Variants in TOGARAM2 observed in about 807,000 individuals in gnomAD.
TOGARAM2 encodes the protein TOG array regulator of axonemal microtubules protein 2.
Under a neutral mutation model 93.3 loss-of-function variants are expected in TOGARAM2, and 85 were observed. The observed-to-expected ratio is 0.91, with a 90% CI of 0.76 to 1.09. TOGARAM2 has a LOEUF of 1.09. Ranked by LOEUF, TOGARAM2 falls within the 50% of genes least tolerant of loss-of-function variation. The pLI, the probability that TOGARAM2 is intolerant of heterozygous loss-of-function variation, is 0.00. For synonymous variants in TOGARAM2, 593 were observed against 552.8 expected (o/e 1.07, Z -1.02); for missense variants, 1,277 against 1,334.5 (o/e 0.96, Z 0.67).
At chr2:29,039,205 G>C (rs957865710) in intron 18 of TOGARAM2, among the ~76,000 whole-genome samples, 1 of 152,158 alleles carries the variant, frequency 6.6e-6, no homozygotes, top group Non-Finnish European at 1.5e-5. Context: ...CTTGGAAGTG[G>C]CTTGGATCGG....
chr2:28,974,952 A>G (rs910720661), intron 1 of TOGARAM2, among the ~76,000 whole-genome samples: 2 of 150,702 alleles, frequency 1.3e-5, no homozygotes, highest in East Asian at 3.9e-4. Flanking sequence ...TTTTCAGTCT[A>G]TATTTTTTCT....
intron 1 of TOGARAM2, among the ~76,000 whole-genome samples, chr2:28,974,924 C>A (rs891159425): frequency 2.6e-5 from 4 of 152,030 alleles, no homozygotes; most frequent in Non-Finnish European, 1.5e-5. Flanking sequence ...AGCCACTGTG[C>A]CCGGCCTTGT....
At chr2:28,960,801 A>G (rs1671794475) in intron 1 of TOGARAM2, among the ~76,000 whole-genome samples, 1 of 152,232 alleles carries the variant, frequency 6.6e-6, no homozygotes, top group South Asian at 2.1e-4. Context: ...GCCAGTGAGC[A>G]CCTAACATGT....
chr2:28,994,535 C>G (rs1427112185), intron 1 of TOGARAM2, among the ~76,000 whole-genome samples, 190 bp from the exon 2 acceptor site: 1 of 152,188 alleles, frequency 6.6e-6, no homozygotes, highest in Non-Finnish European at 1.5e-5. Flanking sequence ...GAACTCTTCC[C>G]AAAACCACAC....
At chr2:28,999,886 T>G (rs987371149) in intron 4 of TOGARAM2, among the ~76,000 whole-genome samples, 2 of 152,188 alleles carry the variant, frequency 1.3e-5, no homozygotes, top group African/African-American at 4.8e-5. Context: ...CTTCGGTCTC[T>G]GCTGTCCAGG....
At chr2:29,002,886 T>G in intron 5 of TOGARAM2, 139 bp downstream of exon 5, 1 of 775,508 alleles carries the variant, frequency 1.3e-6, no homozygotes, top group Non-Finnish European at 2.1e-6. Flanking sequence ...GCAGTGAGGA[T>G]AGGGACAGCA....
rs535716240 is a variant in TOGARAM2 at position 29,032,391 on chromosome 2, G to A, written c.2013-543G>A. On this transcript the variant is annotated intron_variant, in intron 14 of 19. Transcript: ENST00000379558. The stretch of plus-strand genomic sequence containing the variant: ...TCCTACTTATCTGTTGAGCCCCAAC[G>A]CAAGGGTCACCTCTTCTATGAAGCC... Among the ~76,000 whole-genome samples, 68 of 152,272 alleles carry A rather than the reference G, an allele frequency of 4.5e-4. 1 individual carries two copies. The highest frequency in any genetic ancestry group is 1.4e-3 in the African/African-American group (60 of 41,546).
intron 16 of TOGARAM2, among the ~76,000 whole-genome samples, chr2:29,034,202 A>T (rs1035252461): frequency 3.4e-5 from 5 of 146,094 alleles, no homozygotes; most frequent in African/African-American, 5.6e-5. Context: ...AGCACCTGGG[A>T]TAAGCAAAAC....
chr2:28,987,630 A>T (rs539415085), intron 1 of TOGARAM2, among the ~76,000 whole-genome samples: 1 of 152,314 alleles, frequency 6.6e-6, no homozygotes, highest in South Asian at 2.1e-4. Flanking sequence ...GTCACACTAC[A>T]GTTACTGCAT....
At chr2:29,050,168 A>G (rs1666981555) in intron 19 of TOGARAM2, 1 of 152,198 alleles carries the variant, frequency 6.6e-6, no homozygotes, top group Admixed American at 6.5e-5. Flanking sequence ...CCTGGGTAAC[A>G]TAATGAGACC....
intron 7 of TOGARAM2, among the ~76,000 whole-genome samples, chr2:29,011,726 C>T (rs139564779): frequency 3.3e-5 from 5 of 152,296 alleles, no homozygotes; most frequent in South Asian, 2.1e-4. Context: ...TGCTCTGGTA[C>T]GTCAGGTGTG....
intron 3 of TOGARAM2, 52 bp from the exon 4 acceptor site, chr2:28,999,129 G>A (rs775607048): frequency 6.9e-5 from 106 of 1,529,532 alleles, no homozygotes; most frequent in Admixed American, 1.2e-4. Flanking sequence ...CTGGTGCCTG[G>A]TGCCACCCTG....
At chr2:28,991,039 T>TGTGG (rs1449520735) in intron 1 of TOGARAM2, among the ~76,000 whole-genome samples, 2 of 139,438 alleles carry the variant, frequency 1.4e-5, no homozygotes, top group Non-Finnish European at 3.1e-5. Flanking sequence ...TGTGTGTGTG[T>TGTGG]GGCTTTTCCC....
intron 5 of TOGARAM2, 24 bp downstream of exon 5, chr2:29,002,771 G>C: frequency 6.2e-7 from 1 of 1,601,840 alleles, no homozygotes; most frequent in Middle Eastern, 1.7e-4. Flanking sequence ...ACTGCTGTGA[G>C]TCTGGTCCTC....
At chr2:29,035,388 G>A in intron 16 of TOGARAM2, 76 bp from the exon 17 acceptor site, 2 of 1,238,208 alleles carry the variant, frequency 1.6e-6, no homozygotes, top group African/African-American at 3.1e-5. Context: ...CCTGTAGGAG[G>A]TGGCATGGGA....
At chr2:29,004,868 CAT>C (rs1208748636) in intron 6 of TOGARAM2, among the ~76,000 whole-genome samples, 9 of 147,840 alleles carry the variant, frequency 6.1e-5, no homozygotes, top group Non-Finnish European at 1.2e-4. Flanking sequence ...GTTGTGTGTG[CAT>C]GTGTGTGGAG....
chr2:29,021,994 C>T (rs1664979911), intron 10 of TOGARAM2, among the ~76,000 whole-genome samples, 164 bp from the exon 11 acceptor site: 1 of 152,158 alleles, frequency 6.6e-6, no homozygotes, highest in African/African-American at 2.4e-5. Context: ...GGCCCAGGCG[C>T]TGGGTTCTTA....
rs73922949 is a variant in TOGARAM2 at position 29,037,002 on chromosome 2, C to T, written c.2635+245C>T. On this transcript the variant is annotated intron_variant, in intron 18 of 19. Transcript: ENST00000379558. ...ATGTGGAGATGATCCAGTCCAGCCTCCTCATAGACACATGAGGGAAATGAC... is the reference window on the plus strand; with the variant it reads ...ATGTGGAGATGATCCAGTCCAGCCTTCTCATAGACACATGAGGGAAATGAC... Among the ~76,000 whole-genome samples the T allele has an allele frequency of 9.7e-3, 1,471 of 152,238 alleles. 24 individuals are homozygous for T. The highest frequency in any genetic ancestry group is 0.033 in the African/African-American group (1,389 of 41,520).
intron 18 of TOGARAM2, among the ~76,000 whole-genome samples, chr2:29,042,756 G>T (rs960675546): frequency 1.3e-5 from 2 of 152,192 alleles, no homozygotes; most frequent in Non-Finnish European, 2.9e-5. Context: ...TGCCAGACGG[G>T]CATTCTCTCT....
Sources: gnomAD v4.1 joint callset for allele counts (sites outside exome capture counted in the v4.1 genomes callset) on GRCh38, gnomAD v4.1.1 for gene constraint, MANE v1.5 for transcripts, NCBI Gene and HGNC (gene_info 2026-07-23, HGNC 2026-07-21) for gene names.